Variants in CBLB observed in about 807,000 individuals in gnomAD.
CBLB encodes E3 ubiquitin-protein ligase CBL-B.
In CBLB, 31 loss-of-function variants were observed where a neutral mutation model predicts 104.9. That is an observed-to-expected ratio of 0.30 (90% CI 0.22 to 0.40). The LOEUF (loss-of-function observed/expected upper bound fraction) is 0.40, where lower values mean the gene tolerates loss of function less well. CBLB is among the 10% of genes least tolerant of loss of function. CBLB has a pLI of 1.00. For synonymous variants in CBLB, 440 were observed against 422.6 expected (o/e 1.04, Z -0.51); for missense variants, 1,062 against 1,214.6 (o/e 0.87, Z 1.87).
chr3:105,831,106 A>G (rs567597695), intron 3 of CBLB, among the ~76,000 whole-genome samples: 2 of 152,330 alleles, frequency 1.3e-5, no homozygotes, highest in South Asian at 4.1e-4. Context: ...CAGACCATAC[A>G]CATAACCATG....
At chr3:105,730,323 T>C (rs2074177796) in intron 9 of CBLB, among the ~76,000 whole-genome samples, 1 of 152,090 alleles carries the variant, frequency 6.6e-6, no homozygotes, top group South Asian at 2.1e-4. Flanking sequence ...CCTTAGATAT[T>C]CTAGGATTCG....
chr3:105,817,840 T>C (rs1408077498), intron 3 of CBLB, among the ~76,000 whole-genome samples: 2 of 152,186 alleles, frequency 1.3e-5, no homozygotes, highest in African/African-American at 2.4e-5. Flanking sequence ...TCCGAGGTGT[T>C]ATATAAATAC....
intron 1 of CBLB, among the ~76,000 whole-genome samples, chr3:105,867,821 T>G (rs937066793): frequency 1.3e-5 from 2 of 151,586 alleles, no homozygotes; most frequent in East Asian, 3.9e-4. Flanking sequence ...TACTAAGAGT[T>G]AAAGATGCAT....
At chr3:105,777,825 C>T (rs990175992) in intron 3 of CBLB, among the ~76,000 whole-genome samples, 2 of 152,152 alleles carry the variant, frequency 1.3e-5, no homozygotes, top group African/African-American at 4.8e-5. Context: ...TTAAACCATG[C>T]TTCATACTAC....
chr3:105,702,496 A>AAAAAAC, intron 11 of CBLB, 37 bp from the exon 12 acceptor site: 2 of 1,473,124 alleles, frequency 1.4e-6, no homozygotes, highest in Non-Finnish European at 9.0e-7. Context: ...AAAAAAAAAA[A>AAAAAAC]AAACTAAAGG....
rs534066748 is a variant in CBLB, at chr3:105,685,586, G to A, written c.2055-120C>T. 1.3e-3 allele frequency: 1,046 copies of A among 796,176 alleles called. 3 individuals are homozygous for A. In the Middle Eastern group the frequency reaches 0.014, roughly 11 times the overall value. The allele number at this position is 796,176 out of a possible 1,614,324, so 49.3% of individuals were successfully genotyped here. Reference sequence around the variant, plus strand: ...CACTTATGTTCATTTTTCAATTACAGGGTATCATCAGAGAAGCTGTTCTTA... The same window carrying A: ...CACTTATGTTCATTTTTCAATTACAAGGTATCATCAGAGAAGCTGTTCTTA... On this transcript the variant is annotated intron_variant, in intron 13 of 18. Transcript: ENST00000394030.
chr3:105,791,865 A>C (rs1436876003), intron 3 of CBLB, among the ~76,000 whole-genome samples: 1 of 152,194 alleles, frequency 6.6e-6, no homozygotes, highest in Non-Finnish European at 1.5e-5. Context: ...GATTTTATTA[A>C]TATCTATTTT....
intron 3 of CBLB, among the ~76,000 whole-genome samples, chr3:105,803,352 G>A (rs1477945298): frequency 1.3e-5 from 2 of 152,018 alleles, no homozygotes; most frequent in Non-Finnish European, 2.9e-5. Context: ...TTTGTATGGC[G>A]GCTTGCATGT....
chr3:105,845,541 A>T (rs1386761580), intron 3 of CBLB, among the ~76,000 whole-genome samples: 1 of 151,842 alleles, frequency 6.6e-6, no homozygotes, highest in East Asian at 1.9e-4. Flanking sequence ...TACCCTAGAG[A>T]GGAAACTGCT....
chr3:105,688,035 ATATT>A (rs2067220143), intron 13 of CBLB, among the ~76,000 whole-genome samples: 1 of 152,106 alleles, frequency 6.6e-6, no homozygotes, highest in Non-Finnish European at 1.5e-5. Context: ...AATTAGATTT[ATATT>A]TAGTCATTAT....
chr3:105,796,403 A>G (rs2082260704), intron 3 of CBLB, among the ~76,000 whole-genome samples: 1 of 152,214 alleles, frequency 6.6e-6, no homozygotes, highest in African/African-American at 2.4e-5. Flanking sequence ...AGAAGATTGA[A>G]ACTAGACCCT....
chr3:105,842,850 T>C (rs2089737383), intron 3 of CBLB, among the ~76,000 whole-genome samples: 2 of 152,216 alleles, frequency 1.3e-5, no homozygotes, highest in African/African-American at 4.8e-5. Context: ...TTGTTACTTT[T>C]AGCCAACTTA....
chr3:105,778,772 A>G (rs1270447486), intron 3 of CBLB, among the ~76,000 whole-genome samples: 1 of 152,188 alleles, frequency 6.6e-6, no homozygotes, highest in African/African-American at 2.4e-5. Flanking sequence ...AATTTCTCTT[A>G]ATCAGTTGAA....
chr3:105,706,315 C>T (rs2070128192), intron 10 of CBLB, among the ~76,000 whole-genome samples: 1 of 152,082 alleles, frequency 6.6e-6, no homozygotes. Flanking sequence ...TTTTTAGAAA[C>T]ATTTCTTTTT....
intron 3 of CBLB, among the ~76,000 whole-genome samples, chr3:105,807,046 T>C (rs1308769048): frequency 2.6e-5 from 4 of 152,206 alleles, no homozygotes; most frequent in Non-Finnish European, 4.4e-5. Context: ...AATAAGTTAA[T>C]TTTGAGTAAC....
Position 105,655,510 on chromosome 3 carries a change from C to T in CBLB, c.*3460G>A, listed in dbSNP as rs984621338. On this transcript the variant is annotated 3_prime_UTR_variant, in exon 19 of 19. Transcript: ENST00000394030. Reference sequence around the variant, plus strand: ...ATACTTTAAAAGAACAGATAAAGTACTTGAGGTTACATAATAACCAGAATT... The same window carrying T: ...ATACTTTAAAAGAACAGATAAAGTATTTGAGGTTACATAATAACCAGAATT... 4 of 175,502 alleles carry T rather than the reference C, an allele frequency of 2.3e-5. No individual in the cohort carries two copies. The highest frequency in any genetic ancestry group is 4.9e-5 in the Non-Finnish European group (4 of 81,638). The allele number at this position is 175,502 out of a possible 1,614,324, so 10.9% of individuals were successfully genotyped here.
chr3:105,807,005 T>C (rs994521344), intron 3 of CBLB, among the ~76,000 whole-genome samples: 1 of 152,336 alleles, frequency 6.6e-6, no homozygotes, highest in East Asian at 1.9e-4. Context: ...ACAAGCTCTT[T>C]TAGGCCCACT....
intron 9 of CBLB, among the ~76,000 whole-genome samples, chr3:105,730,223 A>G (rs886261814): frequency 6.6e-6 from 1 of 152,076 alleles, no homozygotes; most frequent in African/African-American, 2.4e-5. Flanking sequence ...ACGTAAAATA[A>G]CATGGTTCAA....
At chr3:105,823,135 T>C (rs1378094733) in intron 3 of CBLB, among the ~76,000 whole-genome samples, 2 of 152,174 alleles carry the variant, frequency 1.3e-5, no homozygotes, top group Non-Finnish European at 2.9e-5. Flanking sequence ...TAGGCTCCTA[T>C]AAAAAGGCCC....
Sources: gnomAD v4.1 joint callset for allele counts (sites outside exome capture counted in the v4.1 genomes callset) on GRCh38, gnomAD v4.1.1 for gene constraint, MANE v1.5 for transcripts, NCBI Gene and HGNC (gene_info 2026-07-23, HGNC 2026-07-21) for gene names.